Variants in CDH12 observed in about 807,000 individuals in gnomAD.
CDH12 encodes the protein cadherin-12.
In CDH12, 41 loss-of-function variants were observed where a neutral mutation model predicts 74.1. That is an observed-to-expected ratio of 0.55 (90% CI 0.43 to 0.72). The LOEUF (loss-of-function observed/expected upper bound fraction) is 0.72. CDH12 is among the 30% of genes least tolerant of loss of function. The pLI is 0.00. For missense variants in CDH12, 945 were observed against 977.2 expected (o/e 0.97, Z 0.44); for synonymous variants, 399 against 355.0 (o/e 1.12, Z -1.39).
chr5:22,491,441 C>A (rs1004824436), intron 2 of CDH12, among the ~76,000 whole-genome samples: 3 of 151,706 alleles, frequency 2.0e-5, no homozygotes, highest in African/African-American at 7.3e-5. Flanking sequence ...TTGTATGTTA[C>A]AAAAATTCAT....
chr5:21,920,507 A>G (rs1407973356), intron 6 of CDH12, among the ~76,000 whole-genome samples: 1 of 151,916 alleles, frequency 6.6e-6, no homozygotes, highest in African/African-American at 2.4e-5. Context: ...GAGAGGGAAC[A>G]TCACACACCG....
At chr5:22,397,471 T>C (rs1435401686) in intron 3 of CDH12, among the ~76,000 whole-genome samples, 1 of 152,108 alleles carries the variant, frequency 6.6e-6, no homozygotes, top group East Asian at 1.9e-4. Flanking sequence ...TTTTTTTTTT[T>C]TCTTTTGGAA....
intron 3 of CDH12, among the ~76,000 whole-genome samples, chr5:22,348,567 A>G (rs1193145348): frequency 6.6e-6 from 1 of 152,218 alleles, no homozygotes; most frequent in African/African-American, 2.4e-5. Context: ...ATGGACACAC[A>G]CATATATAAT....
At position 22,232,977 on chromosome 5, in the gene CDH12, T is replaced by C. The variant is rs1451881783; in HGVS notation, c.-332-20334A>G. ...ATAACCATATAATTGTCGGTCTATGTCTGGGCTTGGTGTGCTAGTCTTTTG... is the reference window on the plus strand; with the variant it reads ...ATAACCATATAATTGTCGGTCTATGCCTGGGCTTGGTGTGCTAGTCTTTTG... On this transcript the variant is annotated intron_variant, in intron 3 of 14. Coordinates refer to ENST00000382254, the MANE Select transcript of CDH12 (RefSeq NM_004061.5). 2.0e-5 allele frequency among the ~76,000 whole-genome samples: 3 copies of C among 151,014 alleles called. No individual in the cohort carries two copies. In the East Asian group the frequency reaches 5.8e-4, roughly 29 times the overall value.
At chr5:22,559,805 T>G (rs1194462156) in intron 1 of CDH12, among the ~76,000 whole-genome samples, 1 of 152,188 alleles carries the variant, frequency 6.6e-6, no homozygotes, top group South Asian at 2.1e-4. Flanking sequence ...AAGTGTTATT[T>G]GCCTTAAATT....
At chr5:21,755,477 A>G in intron 14 of CDH12, 114 bp downstream of exon 14, 1 of 849,274 alleles carries the variant, frequency 1.2e-6, no homozygotes. Context: ...ATGACATGTC[A>G]ATGAATAAAA....
intron 1 of CDH12, among the ~76,000 whole-genome samples, chr5:22,833,172 A>C (rs1050187232): frequency 6.6e-6 from 1 of 152,188 alleles, no homozygotes; most frequent in Admixed American, 6.5e-5. Flanking sequence ...ATGCCACAGT[A>C]AACGGAATGT....
At chr5:22,233,035 C>T (rs1752439773) in intron 3 of CDH12, among the ~76,000 whole-genome samples, 1 of 151,168 alleles carries the variant, frequency 6.6e-6, no homozygotes. Flanking sequence ...AAACACTATA[C>T]TGTCTTGATT....
chr5:22,850,061 G>A, intron 1 of CDH12, among the ~76,000 whole-genome samples: 1 of 151,960 alleles, frequency 6.6e-6, no homozygotes, highest in East Asian at 1.9e-4. Context: ...TGAATTCAAA[G>A]CATTTATCTA....
intron 1 of CDH12, among the ~76,000 whole-genome samples, chr5:22,625,695 G>A (rs1352938736): frequency 1.3e-5 from 2 of 152,142 alleles, no homozygotes; most frequent in Non-Finnish European, 2.9e-5. Context: ...CTTTCCTGGG[G>A]CCCCAACCTG....
At chr5:22,482,377 G>A (rs1746417346) in intron 2 of CDH12, among the ~76,000 whole-genome samples, 1 of 152,014 alleles carries the variant, frequency 6.6e-6, no homozygotes, top group Admixed American at 6.6e-5. Context: ...ACTCTACCTT[G>A]TGCAGATTTA....
chr5:22,414,608 T>C (rs1743303354), intron 2 of CDH12, among the ~76,000 whole-genome samples: 2 of 151,972 alleles, frequency 1.3e-5, no homozygotes, highest in African/African-American at 4.8e-5. Context: ...AATTTCTAAT[T>C]GTTAACATTA....
intron 6 of CDH12, among the ~76,000 whole-genome samples, chr5:21,928,861 T>A (rs1400411742): frequency 2.0e-5 from 3 of 152,118 alleles, no homozygotes; most frequent in Admixed American, 1.3e-4. Flanking sequence ...ATTTGTAACA[T>A]TTGTAGTATA....
At chr5:22,392,332 C>G (rs1280615161) in intron 3 of CDH12, among the ~76,000 whole-genome samples, 1 of 152,116 alleles carries the variant, frequency 6.6e-6, no homozygotes, top group Non-Finnish European at 1.5e-5. Context: ...ACCAATCTTT[C>G]ATCAGTCATT....
chr5:22,641,284 G>T (rs2126870804), intron 1 of CDH12, among the ~76,000 whole-genome samples: 1 of 152,244 alleles, frequency 6.6e-6, no homozygotes. Flanking sequence ...AATCAGAATG[G>T]GTTTGAGGGG....
chr5:22,328,907 C>A (rs548699126), intron 3 of CDH12, among the ~76,000 whole-genome samples: 2 of 152,048 alleles, frequency 1.3e-5, no homozygotes, highest in South Asian at 2.1e-4. Context: ...GAATAAGAAG[C>A]CACAAAGTAT....
At chr5:21,897,338 T>G (rs1007970836) in intron 6 of CDH12, among the ~76,000 whole-genome samples, 1 of 152,188 alleles carries the variant, frequency 6.6e-6, no homozygotes, top group African/African-American at 2.4e-5. Flanking sequence ...GCGGATGACA[T>G]TTATCTATTT....
intron 6 of CDH12, among the ~76,000 whole-genome samples, chr5:21,955,354 T>C (rs536426746): frequency 5.5e-4 from 83 of 152,080 alleles, no homozygotes; most frequent in Admixed American, 2.3e-3. Context: ...ACTCAATATA[T>C]ATAAGGTATT....
At chr5:22,762,756 A>G (rs1180489726) in intron 1 of CDH12, among the ~76,000 whole-genome samples, 1 of 152,070 alleles carries the variant, frequency 6.6e-6, no homozygotes, top group African/African-American at 2.4e-5. Context: ...CTTGATAAAG[A>G]GTTAATTTTT....
Sources: gnomAD v4.1 joint callset for allele counts (sites outside exome capture counted in the v4.1 genomes callset) on GRCh38, gnomAD v4.1.1 for gene constraint, MANE v1.5 for transcripts, NCBI Gene and HGNC (gene_info 2026-07-23, HGNC 2026-07-21) for gene names.